Variants in CEP19 observed in about 807,000 individuals in gnomAD.
CEP19 encodes the protein centrosomal protein 19, also known as centrosomal protein of 19 kDa.
In CEP19, 14 loss-of-function variants were observed where a neutral mutation model predicts 17.5. That is an observed-to-expected ratio of 0.80 (90% CI 0.53 to 1.25). CEP19 has a LOEUF of 1.25. CEP19 is among the 50% of genes most tolerant of loss of function. CEP19 has a pLI of 0.00. For synonymous variants in CEP19, 59 were observed against 65.5 expected, an observed-to-expected ratio of 0.90 and a Z score of 0.48; for missense variants, 193 against 192.0, an observed-to-expected ratio of 1.01 and a Z score of -0.03.
At chr3:196,709,549 C>A (rs1417169503) in intron 1 of CEP19, among the ~76,000 whole-genome samples, 1 of 152,200 alleles carries the variant, frequency 6.6e-6, no homozygotes, top group African/African-American at 2.4e-5. Context: ...AAAAAGCAGA[C>A]CTGCTGCAGA....
rs1560070320 is a variant in CEP19, at chr3:196,707,797, C to CGACAA, written c.241_245dup (p.Gly83CysfsTer25). 1 of 1,614,138 alleles carries CGACAA rather than the reference C, an allele frequency of 6.2e-7. No individual in the cohort carries two copies. Among genetic ancestry groups the CGACAA allele is most frequent in the South Asian group, 1.1e-5 (1 of 91,084 alleles). ...CCATTGTTTCTGCCAGACTCTGCCCCGACAAGTAACCTCGTAAAAAACTGA... is the reference window on the plus strand; with the variant it reads ...CCATTGTTTCTGCCAGACTCTGCCCCGACAAGACAAGTAACCTCGTAAAAAACTGA... On this transcript the variant is annotated frameshift_variant, in exon 3 of 3. Transcript: ENST00000409690. LOFTEE classifies it high-confidence loss of function.
In CEP19 at chr3:196,707,630, TAAAC is replaced by T. The variant is rs1711571650; in HGVS notation, c.409_412del (p.Val137MetfsTer37). The T allele has an allele frequency of 2.5e-6, 4 of 1,614,080 alleles. No individual in the cohort carries two copies. In the East Asian group the frequency reaches 8.9e-5, roughly 36 times the overall value. ...CTGTGGAAATTCAACCTCAATGTCA[TAAAC>T]AAAATTTGGATCATCCTTCTTCTTC... On this transcript the variant is annotated frameshift_variant, in exon 3 of 3. Coordinates refer to ENST00000409690, the MANE Select transcript of CEP19 (RefSeq NM_032898.5). LOFTEE classifies it high-confidence loss of function.
Position 196,707,761 on chromosome 3 carries a change from T to C in CEP19, c.282A>G (p.Gln94=). The change falls in exon 3 of 3, where the codon CAA becomes CAG. Residue 94 remains glutamine (Q), a synonymous_variant. Coordinates refer to ENST00000409690, the MANE Select transcript of CEP19 (RefSeq NM_032898.5). ...CCTCAGGATCAATGGTTGTTTCCCG[T>C]TGAATTTGTTCCATTGTTTCTGCCA... is the stretch of plus-strand genomic sequence containing the variant. ...QSLAETMEQI[Q]RETTIDPEED... 1 of 1,614,212 alleles carries C rather than the reference T, an allele frequency of 6.2e-7. No individual in the cohort carries two copies. The highest frequency in any genetic ancestry group is 8.5e-7 in the Non-Finnish European group (1 of 1,180,036).
rs1711588184 is a variant in CEP19, at chr3:196,707,906, G to C, written c.137C>G (p.Thr46Ser). The change falls in exon 3 of 3, where the codon ACC (threonine) becomes AGC (serine). Residue 46 changes from threonine to serine, a missense_variant. Physicochemically the swap from Thr to Ser is moderately conservative, Grantham distance 58. Coordinates refer to ENST00000409690, the MANE Select transcript of CEP19 (RefSeq NM_032898.5). ...VRNFSKFSDC[T>S]RAAEQLKNNP... is the part of the protein sequence containing the mutation. ...ATTCTTTAATTGTTCAGCAGCTCTG[G>C]TGCAATCTGGGAGAGAGAAGAAAAC... is the stretch of plus-strand genomic sequence containing the variant. The C allele has an allele frequency of 3.1e-6, 5 of 1,609,186 alleles. No individual in the cohort carries two copies. The highest frequency in any genetic ancestry group is 4.2e-6 in the Non-Finnish European group (5 of 1,179,616).
In CEP19 at chr3:196,707,510, G is replaced by A. The variant is rs1389051474; in HGVS notation, c.*41C>T. On this transcript the variant is annotated 3_prime_UTR_variant, in exon 3 of 3. Coordinates refer to ENST00000409690, the MANE Select transcript of CEP19 (RefSeq NM_032898.5). Reference sequence around the variant, plus strand: ...CCAGAACCAGTCTGGTAATAAACATGGATATTCTGCTAGCCCAATGCATGT... The same window carrying A: ...CCAGAACCAGTCTGGTAATAAACATAGATATTCTGCTAGCCCAATGCATGT... The A allele has an allele frequency of 6.4e-7, 1 of 1,551,222 alleles. No homozygotes were observed. Among genetic ancestry groups the A allele is most frequent in the East Asian group, 2.2e-5 (1 of 44,486 alleles).
chr3:196,710,435 C>T lies in CEP19; in HGVS notation c.-71+1494G>A, dbSNP rs1711705711. On this transcript the variant is annotated intron_variant, in intron 1 of 2. Coordinates refer to ENST00000409690, the MANE Select transcript of CEP19 (RefSeq NM_032898.5). ...TGGCAGGTGCCTGTAATCCCAGCTA[C>T]TCGAGAGGCCAAGGCAGGAGAATCA... Among the ~76,000 whole-genome samples, 4 of 152,006 alleles carry T rather than the reference C, an allele frequency of 2.6e-5. No homozygotes were observed. In the South Asian group the frequency reaches 8.3e-4, roughly 32 times the overall value.
intron 1 of CEP19, among the ~76,000 whole-genome samples, chr3:196,710,954 CTTTTTTT>C (rs760516872): frequency 9.1e-6 from 1 of 110,388 alleles, no homozygotes; most frequent in East Asian, 1.1e-3. Flanking sequence ...TCTTTTCTTG[CTTTTTTT>C]TTTTTTTTAA....
At position 196,712,153 on chromosome 3, in the gene CEP19, TG is replaced by T; in HGVS notation, c.-296del. Reference sequence around the variant, plus strand: ...ACCCTCAAACACCGGGAAGCGGAGGTGGGGGCCGGCTGGGGGACCGGTCCAC... The same window carrying T: ...ACCCTCAAACACCGGGAAGCGGAGGTGGGGCCGGCTGGGGGACCGGTCCAC... On this transcript the variant is annotated 5_prime_UTR_variant, in exon 1 of 3. Coordinates refer to ENST00000409690, the MANE Select transcript of CEP19 (RefSeq NM_032898.5). 1.7e-6 allele frequency: 1 copy of T among 574,090 alleles called. No individual in the cohort carries two copies. Among genetic ancestry groups the T allele is most frequent in the Non-Finnish European group, 3.1e-6 (1 of 317,538 alleles). The allele number at this position is 574,090 out of a possible 1,614,324, so 35.6% of individuals were successfully genotyped here.
At chr3:196,708,923 T>C in intron 1 of CEP19, 196 bp from the exon 2 acceptor site, 1 of 395,816 alleles carries the variant, frequency 2.5e-6, no homozygotes, top group East Asian at 4.6e-5. Context: ...TGATCCTCTC[T>C]GTATCATTCC....
At chr3:196,708,751 G>T in intron 1 of CEP19, 24 bp from the exon 2 acceptor site, 1 of 1,321,636 alleles carries the variant, frequency 7.6e-7, no homozygotes. Flanking sequence ...ACAACTAGGT[G>T]TTGGATAAAT....
At chr3:196,708,762 G>A (rs1711621413) in intron 1 of CEP19, 35 bp from the exon 2 acceptor site, 2 of 1,179,456 alleles carry the variant, frequency 1.7e-6, no homozygotes, top group Admixed American at 4.1e-5. Flanking sequence ...TTGGATAAAT[G>A]TCATTCATTC....
Position 196,712,082 on chromosome 3 carries a change from C to A in CEP19, c.-224G>T. On this transcript the variant is annotated 5_prime_UTR_variant, in exon 1 of 3. Coordinates refer to ENST00000409690, the MANE Select transcript of CEP19 (RefSeq NM_032898.5). ...CTGCAGGAAGAGGCGACAGCCACAG[C>A]CCTACTGACGAGCCCGAGGGGTGAA... 1 of 688,422 alleles carries A rather than the reference C, an allele frequency of 1.5e-6. No individual in the cohort carries two copies. Among genetic ancestry groups the A allele is most frequent in the Middle Eastern group, 3.4e-4 (1 of 2,976 alleles). The allele number at this position is 688,422 out of a possible 1,614,324, so 42.6% of individuals were successfully genotyped here.
At position 196,707,661 on chromosome 3, in the gene CEP19, G is replaced by T; in HGVS notation, c.382C>A (p.Gln128Lys). The change falls in exon 3 of 3, where the codon CAG (glutamine) becomes AAG (lysine). Residue 128 changes from glutamine (Q) to lysine (K), a missense_variant. Coordinates refer to ENST00000409690, the MANE Select transcript of CEP19 (RefSeq NM_032898.5). ...SIMDELFEKN[Q>K]KKKDDPNFVY... ...AAATTTGGATCATCCTTCTTCTTCT[G>T]ATTTTTCTCAAAAAGTTCATCCATG... The T allele has an allele frequency of 6.2e-7, 1 of 1,614,018 alleles. No individual in the cohort carries two copies. The highest frequency in any genetic ancestry group is 8.5e-7 in the Non-Finnish European group (1 of 1,180,002).
chr3:196,710,321 A>T (rs1577661241), intron 1 of CEP19, among the ~76,000 whole-genome samples: 2 of 152,280 alleles, frequency 1.3e-5, no homozygotes, highest in South Asian at 4.1e-4. Context: ...AGGTGGGCAG[A>T]TCATTTGAGG....
intron 2 of CEP19, 82 bp downstream of exon 2, chr3:196,708,446 C>A: frequency 7.9e-7 from 1 of 1,271,256 alleles, no homozygotes; most frequent in South Asian, 1.3e-5. Flanking sequence ...CAGTGTCACA[C>A]ATCCAGTCCC....
chr3:196,711,228 T>G (rs1711759155), intron 1 of CEP19, among the ~76,000 whole-genome samples: 1 of 152,204 alleles, frequency 6.6e-6, no homozygotes. Context: ...TCCTTGGCCC[T>G]ACTCCTCTTC....
intron 2 of CEP19, 57 bp downstream of exon 2, chr3:196,708,470 AT>A: frequency 6.6e-7 from 1 of 1,504,852 alleles, no homozygotes; most frequent in South Asian, 1.1e-5. Flanking sequence ...CAGAGTCATG[AT>A]GTGAACCTGT....
In CEP19 at chr3:196,707,774, AT is replaced by A. The variant is rs758786801; in HGVS notation, c.268del (p.Met90TrpfsTer16). The part of the protein sequence containing the change: ...YLSGQSLAET[M>X]EQIQRETTID... ...GGTTGTTTCCCGTTGAATTTGTTCC[AT>A]TGTTTCTGCCAGACTCTGCCCCGAC... On this transcript the variant is annotated frameshift_variant, in exon 3 of 3. Coordinates refer to ENST00000409690, the MANE Select transcript of CEP19 (RefSeq NM_032898.5). LOFTEE classifies it high-confidence loss of function. 3 of 1,614,074 alleles carry A rather than the reference AT, an allele frequency of 1.9e-6. No individual in the cohort carries two copies.
chr3:196,710,076 T>C (rs1051366761), intron 1 of CEP19, among the ~76,000 whole-genome samples: 1 of 152,246 alleles, frequency 6.6e-6, no homozygotes, highest in African/African-American at 2.4e-5. Flanking sequence ...ACATACCTTA[T>C]CATACAAGCT....
Sources: allele counts gnomAD v4.1 joint callset (sites outside exome capture counted in the v4.1 genomes callset), GRCh38; gene constraint gnomAD v4.1.1; transcripts MANE v1.5; gene names NCBI Gene and HGNC (gene_info 2026-07-23, HGNC 2026-07-21).